ABCC1: variants seen among roughly 807,000 people sequenced by gnomAD.
ABCC1 encodes the protein multidrug resistance-associated protein 1.
ABCC1 carries 83 observed loss-of-function variants against 172.9 expected under a neutral mutation model. The observed-to-expected ratio is 0.48, with a 90% CI of 0.40 to 0.58. The LOEUF (loss-of-function observed/expected upper bound fraction) is 0.58. Ranked by LOEUF, ABCC1 falls within the 20% of genes least tolerant of loss-of-function variation. The probability of loss-of-function intolerance (pLI) is 0.00; values close to 1 mark genes in which losing one functional copy is unlikely to be tolerated. For synonymous variants in ABCC1, 937 were observed against 825.2 expected, an observed-to-expected ratio of 1.14 and a Z score of -2.32; for missense variants, 1,817 against 2,002.7, an observed-to-expected ratio of 0.91 and a Z score of 1.77.
At chr16:15,975,850 C>CT (rs1216817035) in intron 1 of ABCC1, among the ~76,000 whole-genome samples, 4 of 152,150 alleles carry the variant, frequency 2.6e-5, no homozygotes, top group Non-Finnish European at 5.9e-5. Context: ...GCCGCCACAC[C>CT]TGGCCACCTT....
chr16:16,118,731 A>G (rs2045016853), intron 23 of ABCC1, among the ~76,000 whole-genome samples: 2 of 152,036 alleles, frequency 1.3e-5, no homozygotes, highest in Non-Finnish European at 2.9e-5. Flanking sequence ...GATGAAATGC[A>G]TAATGTGTGT....
In ABCC1 at chr16:16,114,968, C is replaced by G. The variant is rs974028398; in HGVS notation, c.3282C>G (p.Phe1094Leu). Residue 1094 changes from phenylalanine to leucine, a missense_variant, in exon 23 of 31, where the codon TTC (phenylalanine) becomes TTG (leucine). Physicochemically the swap from Phe to Leu is conservative, Grantham distance 22. Transcript: ENST00000399410. Reference sequence around the variant, plus strand: ...TGATCCCGGAGGTCATCAAGATGTTCATGGGCTCCCTGTTCAACGTCATTG... The same window carrying G: ...TGATCCCGGAGGTCATCAAGATGTTGATGGGCTCCCTGTTCAACGTCATTG... ...DSMIPEVIKM[F>L]MGSLFNVIGA... 6.2e-7 allele frequency: 1 copy of G among 1,614,220 alleles called. No individual in the cohort carries two copies. The highest frequency in any genetic ancestry group is 1.3e-5 in the African/African-American group (1 of 75,060).
intron 24 of ABCC1, among the ~76,000 whole-genome samples, chr16:16,123,453 G>A (rs2045257373): frequency 6.6e-6 from 1 of 151,778 alleles, no homozygotes; most frequent in African/African-American, 2.4e-5. Flanking sequence ...TGGTCAACAT[G>A]GCAAAATCCC....
At chr16:16,044,295 G>A (rs994498514) in intron 7 of ABCC1, among the ~76,000 whole-genome samples, 155 bp from the exon 8 acceptor site, 1 of 152,198 alleles carries the variant, frequency 6.6e-6, no homozygotes, top group Non-Finnish European at 1.5e-5. Flanking sequence ...TCTGGAGCCC[G>A]TGTTTGTAAC....
At chr16:15,950,184 C>A (rs960191629) in intron 1 of ABCC1, among the ~76,000 whole-genome samples, 1 of 151,470 alleles carries the variant, frequency 6.6e-6, no homozygotes, top group Non-Finnish European at 1.5e-5. Flanking sequence ...GTTTTCCCAT[C>A]TTTTTTGTGG....
At chr16:16,011,827 G>A (rs982334197) in intron 3 of ABCC1, among the ~76,000 whole-genome samples, 7 of 151,110 alleles carry the variant, frequency 4.6e-5, no homozygotes, top group African/African-American at 1.5e-4. Context: ...GCGCCACCAC[G>A]CCCGGCTGAT....
chr16:16,020,512 C>T (rs45478893), intron 5 of ABCC1, among the ~76,000 whole-genome samples: 41 of 152,292 alleles, frequency 2.7e-4, no homozygotes, highest in Middle Eastern at 6.8e-3. Flanking sequence ...CACAGCCACT[C>T]GCGTTCATCA....
At position 16,125,871 on chromosome 16, in the gene ABCC1, C is replaced by T. The variant is rs2045410468; in HGVS notation, c.3779C>T (p.Ala1260Val). 2 of 1,614,052 alleles carry T rather than the reference C, an allele frequency of 1.2e-6. No homozygotes were observed. Among genetic ancestry groups the T allele is most frequent in the Non-Finnish European group, 1.7e-6 (2 of 1,179,988 alleles). ...MSSEMETNIV[A>V]VERLKEYSET... ...TCTGAAATGGAAACCAACATCGTGG[C>T]CGTGGAGAGGCTCAAGGAGTATTCA... The change falls in exon 26 of 31, where the codon GCC (alanine) becomes GTC (valine). Residue 1260 changes from alanine to valine, a missense_variant. Physicochemically the swap from Ala to Val is moderately conservative, Grantham distance 64. Transcript: ENST00000399410.
rs549700035 is a variant in ABCC1, at chr16:15,966,043, GCCC to G, written c.48+16245_48+16247del. 1.4e-4 allele frequency among the ~76,000 whole-genome samples: 21 copies of G among 152,106 alleles called. No individual in the cohort carries two copies. In the East Asian group the frequency reaches 3.9e-3, roughly 28 times the overall value. ...TGTCTTATTTTCTAAAAGTGAGCTG[GCCC>G]AGCTCACCGTTCTAGCAGGGTCTAA... is the stretch of plus-strand genomic sequence containing the variant. On this transcript the variant is annotated intron_variant, in intron 1 of 30. Transcript: ENST00000399410.
At chr16:15,999,728 A>AT (rs2151674959) in intron 1 of ABCC1, among the ~76,000 whole-genome samples, 1 of 133,950 alleles carries the variant, frequency 7.5e-6, no homozygotes, top group African/African-American at 2.7e-5. Context: ...GGTCTCCCAA[A>AT]TTGCTGGGAT....
Position 16,068,276 on chromosome 16 carries a change from C to G in ABCC1, c.1798C>G (p.Pro600Ala). 1 of 1,614,132 alleles carries G rather than the reference C, an allele frequency of 6.2e-7. No homozygotes were observed. Among genetic ancestry groups the G allele is most frequent in the South Asian group, 1.1e-5 (1 of 91,074 alleles). Residue 600 changes from proline (P) to alanine (A), a missense_variant, in exon 13 of 31, where the codon CCC becomes GCC. This residue lies in a region of ABCC1 where 1,412 missense variants were observed against 1,600.3 expected (regional missense o/e 0.88). Transcript: ENST00000399410. ...CCTCCGGTTTCCCCTGAACATTCTCCCCATGGTCATCAGCAGCATCGTGCA... is the reference window on the plus strand; with the variant it reads ...CCTCCGGTTTCCCCTGAACATTCTCGCCATGGTCATCAGCAGCATCGTGCA... ...NILRFPLNIL[P>A]MVISSIVQAS...
At chr16:16,017,718 T>G (rs962352479) in intron 5 of ABCC1, among the ~76,000 whole-genome samples, 1 of 152,140 alleles carries the variant, frequency 6.6e-6, no homozygotes, top group Non-Finnish European at 1.5e-5. Flanking sequence ...CTATTCTTTA[T>G]TTTTTTAAAT....
In ABCC1 at chr16:16,045,901, T is replaced by G; in HGVS notation, c.1106T>G (p.Leu369Arg). The G allele has an allele frequency of 6.2e-7, 1 of 1,614,208 alleles. No homozygotes were observed. The highest frequency in any genetic ancestry group is 8.5e-7 in the Non-Finnish European group (1 of 1,180,046). ...PDWQGYFYTV[L>R]LFVTACLQTL... ...TGGCAGGGCTACTTCTACACCGTGC[T>G]GCTGTTTGTCACTGCCTGCCTGCAG... The change falls in exon 9 of 31, where the codon CTG (leucine) becomes CGG (arginine). Residue 369 changes from leucine (L) to arginine (R), a missense_variant. Physicochemically the swap from Leu to Arg is moderately radical, Grantham distance 102. Coordinates refer to ENST00000399410, the MANE Select transcript of ABCC1 (RefSeq NM_004996.4).
rs1010294456 is a variant in ABCC1, at chr16:16,056,801, TCG to T, written c.1677+507_1677+508del. ...TCTAGCCAACCTGTGTAGGAACCGT[TCG>T]TTATCTATTTACTGTGATATAAGGA... On this transcript the variant is annotated intron_variant, in intron 12 of 30. Transcript: ENST00000399410. Among the ~76,000 whole-genome samples, 5 of 148,872 alleles carry T rather than the reference TCG, an allele frequency of 3.4e-5. No homozygotes were observed. The South Asian group carries it at 6.2e-4, about 19-fold the overall frequency.
intron 1 of ABCC1, among the ~76,000 whole-genome samples, chr16:16,005,980 C>T (rs943663602): frequency 1.5e-5 from 2 of 137,134 alleles, no homozygotes; most frequent in Non-Finnish European, 3.2e-5. Context: ...GGTGACAAAG[C>T]AAGACTCTGT....
At position 16,104,311 on chromosome 16, in the gene ABCC1, G is replaced by T. The variant is rs536154735; in HGVS notation, c.2735+1594G>T. Among the ~76,000 whole-genome samples, 24 of 152,272 alleles carry T rather than the reference G, an allele frequency of 1.6e-4. 1 individual carries two copies. The highest frequency in any genetic ancestry group is 5.5e-4 in the African/African-American group (23 of 41,550). On this transcript the variant is annotated intron_variant, in intron 20 of 30. Transcript: ENST00000399410. ...CCTGCTGATTGGTCCATTTTACAGAGAGCCGATTGGTCTGTTTTTACAGAG... is the reference window on the plus strand; with the variant it reads ...CCTGCTGATTGGTCCATTTTACAGATAGCCGATTGGTCTGTTTTTACAGAG...
intron 19 of ABCC1, among the ~76,000 whole-genome samples, chr16:16,091,675 A>G (rs1403223390): frequency 6.6e-6 from 1 of 152,184 alleles, no homozygotes; most frequent in East Asian, 1.9e-4. Flanking sequence ...TGGTGTGGCC[A>G]GACCATGGTG....
chr16:16,018,807 G>A (rs199543924), intron 5 of ABCC1, among the ~76,000 whole-genome samples: 6 of 122,828 alleles, frequency 4.9e-5, no homozygotes, highest in Admixed American at 8.4e-5. Context: ...GTGTGTTTGT[G>A]TGTGTGTGTG....
chr16:16,024,150 C>T (rs1015037497), intron 5 of ABCC1, among the ~76,000 whole-genome samples: 4 of 152,010 alleles, frequency 2.6e-5, no homozygotes, highest in African/African-American at 4.8e-5. Flanking sequence ...ACCCGGGAGG[C>T]GGAGGTTGCA....
Sources: allele counts gnomAD v4.1 joint callset (sites outside exome capture counted in the v4.1 genomes callset), GRCh38; gene constraint gnomAD v4.1.1; regional missense constraint gnomAD v4.1.1; transcripts MANE v1.5; gene names NCBI Gene and HGNC (gene_info 2026-07-23, HGNC 2026-07-21).